The following ATP11C variants were observed in gnomAD, a reference collection of about 807,000 sequenced individuals.
ATP11C encodes the protein ATPase phospholipid transporting 11C (ATP11C blood group), also known as phospholipid-transporting ATPase IG.
Under a neutral mutation model 97.4 loss-of-function variants are expected in ATP11C, and 36 were observed. That is an observed-to-expected ratio of 0.37 (90% CI 0.28 to 0.49). The LOEUF (loss-of-function observed/expected upper bound fraction) is 0.49, where lower values mean the gene tolerates loss of function less well. Among genes scored for constraint, ATP11C ranks in the 20% least tolerant of loss-of-function variants. ATP11C has a pLI of 0.98. For synonymous variants in ATP11C, 275 were observed against 290.9 expected (o/e 0.95, Z 0.56); for missense variants, 730 against 824.6 (o/e 0.89, Z 1.40).
intron 27 of ATP11C, 110 bp downstream of exon 27, chrX:139,740,881 C>G: frequency 2.2e-6 from 1 of 456,405 alleles, no homozygotes; most frequent in Non-Finnish European, 3.8e-6. Flanking sequence ...GACGTGTCAT[C>G]TTATATAATT....
At chrX:139,798,553 C>T (rs1371143596) in intron 9 of ATP11C, 126 bp downstream of exon 9, 5 of 566,717 alleles carry the variant, frequency 8.8e-6, no homozygotes, top group Non-Finnish European at 1.4e-5. Context: ...GTTATAAATT[C>T]CCAACACCTA....
chrX:139,866,127 C>T (rs1416249025), intron 1 of ATP11C, among the ~76,000 whole-genome samples: 1 of 109,935 alleles, frequency 9.1e-6, no homozygotes, highest in Non-Finnish European at 1.9e-5. Context: ...GGGCAGATCA[C>T]GAGGTCAGGA....
At chrX:139,757,592 T>G (rs1164235149) in intron 23 of ATP11C, among the ~76,000 whole-genome samples, 3 of 111,949 alleles carry the variant, frequency 2.7e-5, no homozygotes, top group Non-Finnish European at 5.6e-5. Flanking sequence ...TTTTTAATGT[T>G]ATCACAACTC....
Position 139,745,790 on chromosome X carries a change from C to T in ATP11C, c.2896G>A (p.Glu966Lys), listed in dbSNP as rs1187689265. ...GTCCCAAAGAAGAACACTGTCCCTT[C>T]AAAGGCAGCCAGAAATGTCCAATAT... ...FLYWTFLAAF[E>K]GTVFFFGTYF... Residue 966 changes from glutamate to lysine, a missense_variant, in exon 25 of 30, where the codon GAA becomes AAA. Glu to Lys is a moderately conservative substitution (Grantham distance 56, BLOSUM62 1). Coordinates refer to ENST00000682941, the MANE Select transcript of ATP11C (RefSeq NM_001353812.2). The T allele has an allele frequency of 2.5e-6, 3 of 1,207,427 alleles. No individual in the cohort carries two copies. The highest frequency in any genetic ancestry group is 3.4e-6 in the Non-Finnish European group (3 of 892,946).
At chrX:139,848,777 C>G (rs781289763) in intron 1 of ATP11C, among the ~76,000 whole-genome samples, 1 of 111,707 alleles carries the variant, frequency 9.0e-6, no homozygotes, top group Non-Finnish European at 1.9e-5. Context: ...AACCTATTCT[C>G]TCACTAGCCC....
chrX:139,781,609 C>A (rs1194366353), intron 18 of ATP11C, among the ~76,000 whole-genome samples: 1 of 111,365 alleles, frequency 9.0e-6, no homozygotes, highest in East Asian at 2.8e-4. Flanking sequence ...GCTAGCTACC[C>A]CGGTGGCTGA....
chrX:139,858,918 C>T (rs2084137188), intron 1 of ATP11C, among the ~76,000 whole-genome samples: 1 of 112,322 alleles, frequency 8.9e-6, no homozygotes, highest in African/African-American at 3.2e-5. Flanking sequence ...CACAATCTAA[C>T]TCTAAAACAC....
chrX:139,848,110 G>GA (rs749185165), intron 1 of ATP11C, among the ~76,000 whole-genome samples: 1 of 111,482 alleles, frequency 9.0e-6, no homozygotes, highest in African/African-American at 3.3e-5. Context: ...ATAGTTCTCA[G>GA]ACTTCTTATC....
intron 1 of ATP11C, among the ~76,000 whole-genome samples, chrX:139,842,988 A>C (rs1252575374): frequency 8.9e-6 from 1 of 112,146 alleles, no homozygotes; most frequent in Non-Finnish European, 1.9e-5. Context: ...CTCGCCAAGT[A>C]TCTCAGTTTA....
At chrX:139,800,024 C>CA (rs766807093) in intron 8 of ATP11C, 36 bp downstream of exon 8, 2 of 532,700 alleles carry the variant, frequency 3.8e-6, no homozygotes, top group Middle Eastern at 3.9e-4. Flanking sequence ...CCCCCCCCCC[C>CA]AACCAAAGGA....
chrX:139,893,941 T>C (rs1186507909), intron 1 of ATP11C, among the ~76,000 whole-genome samples: 2 of 110,282 alleles, frequency 1.8e-5, no homozygotes, highest in African/African-American at 6.6e-5. Flanking sequence ...AGCTCATATA[T>C]ATAGCCCAAC....
intron 8 of ATP11C, among the ~76,000 whole-genome samples, chrX:139,799,493 C>T (rs981074318): frequency 9.1e-6 from 1 of 109,858 alleles, no homozygotes; most frequent in Non-Finnish European, 1.9e-5. Flanking sequence ...ATGGCTAGAA[C>T]AGGTTTGGGA....
chrX:139,915,847 G>A (rs916465382), intron 1 of ATP11C, among the ~76,000 whole-genome samples: 3 of 111,527 alleles, frequency 2.7e-5, no homozygotes, highest in African/African-American at 9.8e-5. Flanking sequence ...AAACCACAGT[G>A]AAGCTTATAG....
chrX:139,864,801 A>G (rs1156237040), intron 1 of ATP11C, among the ~76,000 whole-genome samples: 1 of 112,134 alleles, frequency 8.9e-6, no homozygotes, highest in Non-Finnish European at 1.9e-5. Flanking sequence ...CCTTTTTTGC[A>G]ACATATTACT....
At chrX:139,820,604 T>C (rs2083388116) in intron 2 of ATP11C, among the ~76,000 whole-genome samples, 1 of 109,378 alleles carries the variant, frequency 9.1e-6, no homozygotes, top group Non-Finnish European at 1.9e-5. Flanking sequence ...AGGGCTTTCA[T>C]TTTAATCAAT....
At chrX:139,864,008 G>A (rs1337869684) in intron 1 of ATP11C, among the ~76,000 whole-genome samples, 2 of 110,920 alleles carry the variant, frequency 1.8e-5, no homozygotes, top group African/African-American at 3.3e-5. Context: ...AGGCTGCAGT[G>A]AGCCGAGATC....
intron 23 of ATP11C, among the ~76,000 whole-genome samples, chrX:139,756,518 A>G (rs2081937808): frequency 1.8e-5 from 2 of 111,901 alleles, no homozygotes. Flanking sequence ...ATAAAGACAC[A>G]TATACACGTT....
At chrX:139,862,764 A>G (rs748945848) in intron 1 of ATP11C, among the ~76,000 whole-genome samples, 1 of 111,726 alleles carries the variant, frequency 9.0e-6, no homozygotes, top group Non-Finnish European at 1.9e-5. Flanking sequence ...ATTGGCCTTA[A>G]ATTTCTTTAT....
rs748041312 is a variant in ATP11C, at chrX:139,831,465, C to A, written c.28-4642G>T. On this transcript the variant is annotated intron_variant, in intron 1 of 29. Coordinates refer to ENST00000682941, the MANE Select transcript of ATP11C (RefSeq NM_001353812.2). ...ATGAGGATTTGGATAAGAACAATGC[C>A]TTGTTTGGAAGCTCAGAGTGGACCT... Among the ~76,000 whole-genome samples, 223 of 111,130 alleles carry A rather than the reference C, an allele frequency of 2.0e-3. 1 individual carries two copies. Among genetic ancestry groups the A allele is most frequent in the African/African-American group, 7.1e-3 (216 of 30,558 alleles).
Sources: gnomAD v4.1 joint callset for allele counts (sites outside exome capture counted in the v4.1 genomes callset) on GRCh38, gnomAD v4.1.1 for gene constraint, MANE v1.5 for transcripts, NCBI Gene and HGNC (gene_info 2026-07-23, HGNC 2026-07-21) for gene names.